The following STAG1 variants were observed in gnomAD, a reference collection of about 807,000 sequenced individuals.
The protein encoded by STAG1 is cohesin subunit SA-1.
In STAG1, 26 loss-of-function variants were observed where a neutral mutation model predicts 170.9. That is an observed-to-expected ratio of 0.15 (90% confidence interval 0.11 to 0.21). STAG1 has a LOEUF of 0.21. STAG1 is among the 10% of genes least tolerant of loss of function. STAG1 has a pLI of 1.00. For missense variants in STAG1, 964 were observed against 1,509.5 expected (o/e 0.64, Z 5.99); for synonymous variants, 514 against 497.7 (o/e 1.03, Z -0.44).
At chr3:136,355,484 C>T (rs1037366493) in intron 28 of STAG1, among the ~76,000 whole-genome samples, 7 of 151,500 alleles carry the variant, frequency 4.6e-5, no homozygotes, top group Non-Finnish European at 8.8e-5. Context: ...ACTTCAATAT[C>T]CCACTTTCAA....
intron 4 of STAG1, chr3:136,591,397 A>G (rs572504895): frequency 6.2e-6 from 1 of 161,122 alleles, no homozygotes; most frequent in South Asian, 1.4e-4. Context: ...GAAATTGTTT[A>G]AGCAAAAAAA....
intron 1 of STAG1, among the ~76,000 whole-genome samples, chr3:136,637,082 T>C (rs1158412829): frequency 6.6e-6 from 1 of 152,146 alleles, no homozygotes; most frequent in African/African-American, 2.4e-5. Context: ...AGCAATCTAT[T>C]TTTCTTTCCC....
intron 12 of STAG1, among the ~76,000 whole-genome samples, chr3:136,465,998 A>G (rs987671594): frequency 6.6e-6 from 1 of 152,164 alleles, no homozygotes; most frequent in African/African-American, 2.4e-5. Context: ...CCAAAACCCC[A>G]TCTGTACGTC....
chr3:136,581,423 A>G (rs939785270), intron 4 of STAG1, among the ~76,000 whole-genome samples: 1 of 152,250 alleles, frequency 6.6e-6, no homozygotes, highest in Non-Finnish European at 1.5e-5. Flanking sequence ...GTTATTTTAA[A>G]AAGATTTTTA....
At chr3:136,691,093 T>A (rs947473544) in intron 1 of STAG1, among the ~76,000 whole-genome samples, 1 of 150,850 alleles carries the variant, frequency 6.6e-6, no homozygotes, top group African/African-American at 2.4e-5. Context: ...AGCCCAGGAG[T>A]TCGAGACCAG....
intron 1 of STAG1, among the ~76,000 whole-genome samples, chr3:136,685,901 C>G (rs1016872630): frequency 4.6e-5 from 6 of 130,674 alleles, no homozygotes; most frequent in African/African-American, 2.0e-4. Context: ...CTGAGGTGGT[C>G]TTTAGTATGT....
At chr3:136,667,573 TGCA>T (rs760021196) in intron 1 of STAG1, among the ~76,000 whole-genome samples, 2 of 152,208 alleles carry the variant, frequency 1.3e-5, no homozygotes, top group Non-Finnish European at 2.9e-5. Context: ...CTTGGCTCAC[TGCA>T]ACCTCCGCCT....
intron 22 of STAG1, among the ~76,000 whole-genome samples, chr3:136,380,245 ATTT>A (rs199882004): frequency 1.4e-5 from 2 of 144,892 alleles, no homozygotes; most frequent in East Asian, 2.0e-4. Flanking sequence ...AGGCCATAGG[ATTT>A]TTTTTTTTTT....
intron 12 of STAG1, among the ~76,000 whole-genome samples, chr3:136,468,077 T>A (rs111790018): frequency 0.078 from 11,843 of 152,108 alleles, 472 homozygotes; most frequent in Non-Finnish European, 0.093. Flanking sequence ...ATTGACAACC[T>A]AACATCACAA....
Position 136,338,447 on chromosome 3 carries a change from G to A in STAG1, c.3676C>T (p.Pro1226Ser). 6 of 1,613,132 alleles carry A rather than the reference G, an allele frequency of 3.7e-6. No individual in the cohort carries two copies. The highest frequency in any genetic ancestry group is 5.1e-6 in the Non-Finnish European group (6 of 1,179,242). Residue 1226 changes from proline (P) to serine (S), a missense_variant, in exon 33 of 34, where the codon CCA becomes TCA. Pro to Ser is a moderately conservative substitution (Grantham distance 74, BLOSUM62 -1). Around this residue, in one of 11 missense-constraint regions of STAG1, gnomAD observed 59 missense variants for 104.2 expected, o/e 0.57. Coordinates refer to ENST00000383202, the MANE Select transcript of STAG1 (RefSeq NM_005862.3). ...FEDTMVIDLP[P>S]SRNRRERAEL... Reference sequence around the variant, plus strand: ...GCTCTCTCTCGCCGATTTCTTGATGGAGGCTGGAAAGAGAAATCGGTTTCT... The same window carrying A: ...GCTCTCTCTCGCCGATTTCTTGATGAAGGCTGGAAAGAGAAATCGGTTTCT...
chr3:136,433,522 A>G (rs1272155907), intron 16 of STAG1, 34 bp downstream of exon 16: 1 of 1,501,934 alleles, frequency 6.7e-7, no homozygotes, highest in Admixed American at 1.9e-5. Context: ...GCCATTAAAA[A>G]CCTTTTAGGA....
rs528887215 is a variant in STAG1 at position 136,475,168 on chromosome 3, C to T, written c.1027-1531G>A. On this transcript the variant is annotated intron_variant, in intron 10 of 33. Coordinates refer to ENST00000383202, the MANE Select transcript of STAG1 (RefSeq NM_005862.3). ...TTTTTTTTTTTTTTTTTTTTTGAGG[C>T]AGAGTCTTGCTCTTGTCACCCAGGC... Among the ~76,000 whole-genome samples, 31 of 96,230 alleles carry T rather than the reference C, an allele frequency of 3.2e-4. No individual in the cohort carries two copies. In the East Asian group the frequency reaches 6.6e-3, roughly 20 times the overall value. The allele number at this position is 96,230 out of a possible 152,430, so 63.1% of individuals were successfully genotyped here.
intron 4 of STAG1, among the ~76,000 whole-genome samples, chr3:136,595,137 A>G (rs2107797097): frequency 6.6e-6 from 1 of 152,324 alleles, no homozygotes; most frequent in East Asian, 1.9e-4. Flanking sequence ...TACAGAAATT[A>G]ACAAGCTCTT....
At chr3:136,399,107 A>G (rs973314769) in intron 21 of STAG1, among the ~76,000 whole-genome samples, 7 of 152,214 alleles carry the variant, frequency 4.6e-5, no homozygotes, top group African/African-American at 7.2e-5. Context: ...TATTTTACTT[A>G]GTCAAATTTT....
At chr3:136,390,528 T>G (rs2086980388) in intron 22 of STAG1, among the ~76,000 whole-genome samples, 1 of 152,190 alleles carries the variant, frequency 6.6e-6, no homozygotes, top group Non-Finnish European at 1.5e-5. Flanking sequence ...AGAACAACTC[T>G]GGAGTCATGG....
chr3:136,551,416 T>G (rs916966252), intron 5 of STAG1, among the ~76,000 whole-genome samples: 8 of 136,398 alleles, frequency 5.9e-5, no homozygotes, highest in African/African-American at 8.4e-5. Context: ...CAGGCATCAA[T>G]ACATCTGGCT....
chr3:136,702,894 C>A (rs1349362234), intron 1 of STAG1, among the ~76,000 whole-genome samples: 1 of 151,576 alleles, frequency 6.6e-6, no homozygotes, highest in Admixed American at 6.6e-5. Context: ...ATGGTGAAAC[C>A]CCGTCTCTAC....
At chr3:136,640,368 C>CTTTT (rs1046414006) in intron 1 of STAG1, among the ~76,000 whole-genome samples, 6 of 140,424 alleles carry the variant, frequency 4.3e-5, no homozygotes, top group African/African-American at 1.6e-4. Context: ...CATTAGATAA[C>CTTTT]TTTTTTTTTT....
At chr3:136,508,211 G>A (rs935233365) in intron 7 of STAG1, among the ~76,000 whole-genome samples, 1 of 152,154 alleles carries the variant, frequency 6.6e-6, no homozygotes, top group Non-Finnish European at 1.5e-5. Context: ...AAACACTAAT[G>A]CAGGAATTTT....
Sources: allele counts gnomAD v4.1 joint callset (sites outside exome capture counted in the v4.1 genomes callset), GRCh38; gene constraint gnomAD v4.1.1; regional missense constraint gnomAD v4.1.1; transcripts MANE v1.5; gene names NCBI Gene and HGNC (gene_info 2026-07-23, HGNC 2026-07-21).